SPOCK3: variants seen among roughly 807,000 people sequenced by gnomAD.
SPOCK3 encodes SPARC (osteonectin), cwcv and kazal like domains proteoglycan 3.
In SPOCK3, 30 loss-of-function variants were observed where a neutral mutation model predicts 56.6. That is an observed-to-expected ratio of 0.53 (90% CI 0.40 to 0.72). SPOCK3 has a LOEUF of 0.72. Among genes scored for constraint, SPOCK3 ranks in the 30% least tolerant of loss-of-function variants. The probability of loss-of-function intolerance (pLI) is 0.00; values close to 1 mark genes in which losing one functional copy is unlikely to be tolerated. For missense variants in SPOCK3, 527 were observed against 530.0 expected (o/e 0.99, Z 0.06); for synonymous variants, 196 against 183.3 (o/e 1.07, Z -0.56).
intron 2 of SPOCK3, among the ~76,000 whole-genome samples, chr4:167,090,508 A>ATT (rs200671125): frequency 2.4e-4 from 35 of 145,642 alleles, no homozygotes; most frequent in African/African-American, 8.2e-4. Flanking sequence ...ATATGGATTT[A>ATT]TTTTTTTTTT....
chr4:167,029,068 T>C (rs1752003428), intron 3 of SPOCK3, among the ~76,000 whole-genome samples: 1 of 151,990 alleles, frequency 6.6e-6, no homozygotes, highest in Admixed American at 6.6e-5. Flanking sequence ...TTCCTGATGC[T>C]TTCCCTGCCC....
At chr4:166,973,571 T>A (rs1051727308) in intron 4 of SPOCK3, among the ~76,000 whole-genome samples, 2 of 151,718 alleles carry the variant, frequency 1.3e-5, no homozygotes, top group African/African-American at 4.8e-5. Context: ...ATCAACTAAT[T>A]TAATAAAAAG....
intron 2 of SPOCK3, among the ~76,000 whole-genome samples, chr4:167,101,438 C>T (rs760063158): frequency 1.7e-4 from 26 of 152,188 alleles, no homozygotes; most frequent in Non-Finnish European, 2.9e-4. Context: ...ACACTGATGA[C>T]TTTCAGTCCT....
At chr4:166,775,276 AC>A (rs1739401074) in intron 7 of SPOCK3, among the ~76,000 whole-genome samples, 2 of 152,164 alleles carry the variant, frequency 1.3e-5, no homozygotes, top group East Asian at 3.9e-4. Context: ...CTGCTCACTC[AC>A]ATATGTCACA....
chr4:166,796,299 G>A (rs925120663), intron 6 of SPOCK3, among the ~76,000 whole-genome samples: 5 of 152,128 alleles, frequency 3.3e-5, no homozygotes, highest in Admixed American at 2.6e-4. Context: ...GGCAATATGA[G>A]TTGTTAATTA....
chr4:167,227,293 CTTATAACT>C (rs1200684230), intron 2 of SPOCK3, among the ~76,000 whole-genome samples: 1 of 151,978 alleles, frequency 6.6e-6, no homozygotes, highest in African/African-American at 2.4e-5. Context: ...TGGTTCAATA[CTTATAACT>C]TTATATTTTA....
intron 6 of SPOCK3, among the ~76,000 whole-genome samples, chr4:166,808,349 T>G (rs955912432): frequency 1.3e-5 from 2 of 152,088 alleles, no homozygotes; most frequent in Non-Finnish European, 2.9e-5. Context: ...TGTGACTGTA[T>G]CTGCAAATAG....
intron 8 of SPOCK3, among the ~76,000 whole-genome samples, chr4:166,746,556 A>G (rs1260180593): frequency 6.6e-6 from 1 of 152,162 alleles, no homozygotes; most frequent in African/African-American, 2.4e-5. Flanking sequence ...TTGACACCCT[A>G]ACATCACAAT....
rs910817644 is a variant in SPOCK3, at chr4:167,106,006, G to A, written c.190-43469C>T. ...ATAAAGCAAATATTATTAGATTAAA[G>A]AGAGAGGCCAATACAATAATAGCTG... On this transcript the variant is annotated intron_variant, in intron 2 of 10. Transcript: ENST00000357545. Among the ~76,000 whole-genome samples the A allele has an allele frequency of 6.6e-5, 10 of 151,838 alleles. No homozygotes were observed. In the East Asian group the frequency reaches 9.7e-4, roughly 15 times the overall value.
chr4:166,737,665 C>A, intron 9 of SPOCK3, 61 bp from the exon 10 acceptor site: 1 of 1,527,368 alleles, frequency 6.5e-7, no homozygotes, highest in Non-Finnish European at 8.8e-7. Flanking sequence ...AAGCTGTGCT[C>A]CTTTCTGAGA....
At chr4:166,737,433 A>G in intron 10 of SPOCK3, 34 bp downstream of exon 10, 6 of 1,595,782 alleles carry the variant, frequency 3.8e-6, no homozygotes, top group Non-Finnish European at 5.1e-6. Context: ...TTCTGTGCTT[A>G]GAAAATTATG....
At position 167,109,412 on chromosome 4, in the gene SPOCK3, T is replaced by C. The variant is rs1185038792; in HGVS notation, c.190-46875A>G. 1.4e-3 allele frequency among the ~76,000 whole-genome samples: 117 copies of C among 81,824 alleles called. 4 individuals carry two copies. In the East Asian group the frequency reaches 0.035, roughly 25 times the overall value. The allele number at this position is 81,824 out of a possible 152,430, so 53.7% of individuals were successfully genotyped here. The stretch of plus-strand genomic sequence containing the variant: ...ATAAATATATATTTATATATAAATA[T>C]ATATATAAATATATATATGATAAAT... On this transcript the variant is annotated intron_variant, in intron 2 of 10. Coordinates refer to ENST00000357545, the MANE Select transcript of SPOCK3 (RefSeq NM_001040159.2).
chr4:167,070,814 ATAGAT>A (rs1561185914), intron 2 of SPOCK3, among the ~76,000 whole-genome samples: 1 of 151,998 alleles, frequency 6.6e-6, no homozygotes, highest in Non-Finnish European at 1.5e-5. Context: ...TGATCACAAA[ATAGAT>A]TAGGTAAAGC....
chr4:166,847,392 T>G (rs1031284944), intron 6 of SPOCK3, among the ~76,000 whole-genome samples: 4 of 151,748 alleles, frequency 2.6e-5, no homozygotes, highest in South Asian at 2.1e-4. Flanking sequence ...ATGCAACATA[T>G]CAAGATGTTA....
chr4:167,094,952 G>C (rs1759023090), intron 2 of SPOCK3, among the ~76,000 whole-genome samples: 2 of 152,090 alleles, frequency 1.3e-5, no homozygotes, highest in Non-Finnish European at 2.9e-5. Context: ...TTGAGTCTGA[G>C]TGGGACAATG....
intron 4 of SPOCK3, among the ~76,000 whole-genome samples, chr4:166,943,242 G>A (rs190369246): frequency 6.6e-6 from 1 of 152,278 alleles, no homozygotes; most frequent in Non-Finnish European, 1.5e-5. Context: ...GGTGTTTGGA[G>A]TACAGATATC....
intron 6 of SPOCK3, among the ~76,000 whole-genome samples, chr4:166,800,034 T>G (rs1366122593): frequency 1.3e-5 from 2 of 151,438 alleles, no homozygotes; most frequent in Non-Finnish European, 2.9e-5. Context: ...ACAAAAAAAT[T>G]AGCCGGGCGT....
At chr4:167,144,934 C>A (rs1487428734) in intron 2 of SPOCK3, among the ~76,000 whole-genome samples, 1 of 151,562 alleles carries the variant, frequency 6.6e-6, no homozygotes, top group Non-Finnish European at 1.5e-5. Flanking sequence ...TTGTCACAGG[C>A]ATCTCAAAAT....
intron 7 of SPOCK3, among the ~76,000 whole-genome samples, chr4:166,790,545 T>A (rs945245799): frequency 6.6e-6 from 1 of 152,198 alleles, no homozygotes; most frequent in Non-Finnish European, 1.5e-5. Flanking sequence ...CTTTTTCCGA[T>A]CCTGTCCAAA....
Sources: allele counts gnomAD v4.1 joint callset (sites outside exome capture counted in the v4.1 genomes callset), GRCh38; gene constraint gnomAD v4.1.1; transcripts MANE v1.5; gene names NCBI Gene and HGNC (gene_info 2026-07-23, HGNC 2026-07-21).